Variants in FHIT observed in about 807,000 individuals in gnomAD.
The protein encoded by FHIT is bis(5'-adenosyl)-triphosphatase.
Under a neutral mutation model 17.9 loss-of-function variants are expected in FHIT, and 19 were observed. The ratio of observed to expected loss-of-function variants is 1.06; its 90% confidence interval spans 0.74 to 1.56. FHIT has a LOEUF of 1.56. FHIT is among the 40% of genes most tolerant of loss of function. The probability of loss-of-function intolerance (pLI) is 0.00; values close to 1 mark genes in which losing one functional copy is unlikely to be tolerated. For missense variants in FHIT, 248 were observed against 189.2 expected (o/e 1.31, Z -1.82); for synonymous variants, 81 against 69.7 (o/e 1.16, Z -0.81).
intron 5 of FHIT, among the ~76,000 whole-genome samples, chr3:60,291,971 A>G (rs183588011): frequency 1.3e-5 from 2 of 152,228 alleles, no homozygotes; most frequent in Admixed American, 1.3e-4. Flanking sequence ...GGCCTCCAGA[A>G]CTGTGAGATG....
chr3:60,022,725 G>C (rs1294199811), intron 5 of FHIT, among the ~76,000 whole-genome samples: 2 of 152,188 alleles, frequency 1.3e-5, no homozygotes, highest in African/African-American at 4.8e-5. Flanking sequence ...GGAAAGAACT[G>C]AGGAATTTAT....
At chr3:60,965,229 C>G (rs1436082923) in intron 3 of FHIT, among the ~76,000 whole-genome samples, 3 of 152,250 alleles carry the variant, frequency 2.0e-5, no homozygotes, top group East Asian at 1.9e-4. Context: ...GAATTGGCTA[C>G]TGAAGCTTGT....
At chr3:60,979,102 C>T (rs1710382225) in intron 3 of FHIT, among the ~76,000 whole-genome samples, 1 of 152,122 alleles carries the variant, frequency 6.6e-6, no homozygotes. Flanking sequence ...GATTTACTTG[C>T]CCTCAATTAA....
intron 5 of FHIT, among the ~76,000 whole-genome samples, chr3:60,129,437 A>C (rs1408444038): frequency 2.0e-5 from 3 of 152,204 alleles, no homozygotes; most frequent in African/African-American, 2.4e-5. Flanking sequence ...TGTCCTGTAC[A>C]TGTAAATATA....
At chr3:61,219,211 A>T (rs1291881441) in intron 1 of FHIT, among the ~76,000 whole-genome samples, 1 of 152,198 alleles carries the variant, frequency 6.6e-6, no homozygotes, top group Admixed American at 6.6e-5. Context: ...CCATGGTCCT[A>T]TTTGCAGTCC....
At chr3:59,836,627 CA>C (rs1701349534) in intron 8 of FHIT, among the ~76,000 whole-genome samples, 2 of 152,136 alleles carry the variant, frequency 1.3e-5, no homozygotes, top group Admixed American at 1.3e-4. Flanking sequence ...GAAATCAAAT[CA>C]GTATGGGCTG....
intron 4 of FHIT, among the ~76,000 whole-genome samples, chr3:60,747,160 T>C (rs2042374768): frequency 6.6e-6 from 1 of 151,832 alleles, no homozygotes; most frequent in South Asian, 2.1e-4. Context: ...TTCCCCTCTG[T>C]GTATGTGAGT....
chr3:60,129,367 T>A (rs1263294823), intron 5 of FHIT, among the ~76,000 whole-genome samples: 1 of 152,146 alleles, frequency 6.6e-6, no homozygotes, highest in African/African-American at 2.4e-5. Flanking sequence ...TAAAAGCACA[T>A]CAATTTACAT....
intron 8 of FHIT, among the ~76,000 whole-genome samples, chr3:59,859,271 T>A (rs1207263192): frequency 2.0e-5 from 3 of 152,152 alleles, no homozygotes; most frequent in Non-Finnish European, 4.4e-5. Flanking sequence ...TCAGCAGCGT[T>A]TTTGTGGAAT....
At chr3:61,044,001 G>A (rs1452566035) in intron 2 of FHIT, among the ~76,000 whole-genome samples, 1 of 152,004 alleles carries the variant, frequency 6.6e-6, no homozygotes, top group East Asian at 1.9e-4. Flanking sequence ...AAAGACCAAA[G>A]GTACATAAAA....
In FHIT at chr3:60,671,393, G is replaced by T. The variant is rs571019101; in HGVS notation, c.-17-134414C>A. Among the ~76,000 whole-genome samples the T allele has an allele frequency of 2.0e-4, 30 of 152,118 alleles. No individual in the cohort carries two copies. The South Asian group carries it at 4.8e-3, about 24-fold the overall frequency. ...CACACAATTCCTGGAACTTTACAGA[G>T]TAGAGTTTCAAAATCACTGCAGCTG... On this transcript the variant is annotated intron_variant, in intron 4 of 9. Coordinates refer to ENST00000492590, the MANE Select transcript of FHIT (RefSeq NM_002012.4).
At chr3:61,134,933 A>G (rs2106969836) in intron 2 of FHIT, among the ~76,000 whole-genome samples, 1 of 152,246 alleles carries the variant, frequency 6.6e-6, no homozygotes, top group African/African-American at 2.4e-5. Context: ...ACAGACGTCC[A>G]GGCTCCTCTT....
intron 5 of FHIT, among the ~76,000 whole-genome samples, chr3:60,369,570 A>G (rs972504652): frequency 6.6e-6 from 1 of 152,166 alleles, no homozygotes; most frequent in African/African-American, 2.4e-5. Context: ...AATTATTGGC[A>G]GATTCTCTTG....
Position 59,894,440 on chromosome 3 carries a change from T to A in FHIT, c.348+27906A>T, listed in dbSNP as rs573046664. On this transcript the variant is annotated intron_variant, in intron 8 of 9. Coordinates refer to ENST00000492590, the MANE Select transcript of FHIT (RefSeq NM_002012.4). ...TAGCATCATAACCAGGAGGACTAATTGCCATTGTTGCTAATTGGCATTGCA... is the reference window on the plus strand; with the variant it reads ...TAGCATCATAACCAGGAGGACTAATAGCCATTGTTGCTAATTGGCATTGCA... Among the ~76,000 whole-genome samples, 6 of 152,336 alleles carry A rather than the reference T, an allele frequency of 3.9e-5. No homozygotes were observed. The South Asian group carries it at 1.0e-3, about 26-fold the overall frequency.
At chr3:60,605,712 T>A (rs2682970) in intron 4 of FHIT, among the ~76,000 whole-genome samples, 10,289 of 152,214 alleles carry the variant, frequency 0.068, 459 homozygotes, top group African/African-American at 0.13. Flanking sequence ...TTTGCTTTAT[T>A]TTCTGCTAGA....
intron 8 of FHIT, among the ~76,000 whole-genome samples, chr3:59,913,920 C>T (rs1705006996): frequency 6.6e-6 from 1 of 152,148 alleles, no homozygotes; most frequent in Non-Finnish European, 1.5e-5. Context: ...GAAAATCTGG[C>T]ATCATTCAAA....
intron 3 of FHIT, among the ~76,000 whole-genome samples, chr3:60,950,602 C>T (rs369842781): frequency 5.3e-5 from 8 of 151,974 alleles, no homozygotes; most frequent in African/African-American, 7.2e-5. Context: ...TTGCAACCTC[C>T]GCCTCCTGGG....
intron 5 of FHIT, among the ~76,000 whole-genome samples, chr3:60,307,267 T>C (rs4679527): frequency 0.31 from 47,788 of 151,888 alleles, 8,667 homozygotes; most frequent in East Asian, 0.74. Context: ...GAAAAGTCAG[T>C]AAATTCGCCT....
intron 5 of FHIT, among the ~76,000 whole-genome samples, chr3:60,088,055 T>C (rs1018118346): frequency 1.3e-5 from 2 of 152,144 alleles, no homozygotes; most frequent in African/African-American, 4.8e-5. Context: ...CTTACACTCA[T>C]GGTGGAAGAT....
Sources: gnomAD v4.1 joint callset for allele counts (sites outside exome capture counted in the v4.1 genomes callset) on GRCh38, gnomAD v4.1.1 for gene constraint, MANE v1.5 for transcripts, NCBI Gene and HGNC (gene_info 2026-07-23, HGNC 2026-07-21) for gene names.